Variants in ALPK3 observed in about 807,000 individuals in gnomAD.
ALPK3 encodes alpha-protein kinase 3.
In ALPK3, 102 loss-of-function variants were observed where a neutral mutation model predicts 140.0. The ratio of observed to expected loss-of-function variants is 0.73; its 90% confidence interval spans 0.62 to 0.86. The LOEUF (loss-of-function observed/expected upper bound fraction) is 0.86, where lower values mean the gene tolerates loss of function less well. ALPK3 is among the 40% of genes least tolerant of loss of function. The probability of loss-of-function intolerance (pLI) is 0.00; values close to 1 mark genes in which losing one functional copy is unlikely to be tolerated. For missense variants in ALPK3, 2,254 were observed against 2,208.2 expected, an observed-to-expected ratio of 1.02 and a Z score of -0.42; for synonymous variants, 938 against 898.5, an observed-to-expected ratio of 1.04 and a Z score of -0.79.
intron 1 of ALPK3, among the ~76,000 whole-genome samples, chr15:84,822,638 G>T (rs1391434923): frequency 6.6e-6 from 1 of 152,156 alleles, no homozygotes; most frequent in Non-Finnish European, 1.5e-5. Flanking sequence ...CTCCACTAAG[G>T]GGCGGTCCTG....
chr15:84,825,251 A>T (rs1963473291), intron 2 of ALPK3, among the ~76,000 whole-genome samples: 1 of 151,360 alleles, frequency 6.6e-6, no homozygotes, highest in African/African-American at 2.4e-5. Context: ...ATCTCGGCTC[A>T]CTGCAACCTC....
At chr15:84,831,646 C>T (rs2141551451) in intron 3 of ALPK3, among the ~76,000 whole-genome samples, 1 of 152,176 alleles carries the variant, frequency 6.6e-6, no homozygotes. Flanking sequence ...CTTGCTTTTT[C>T]TCTGTTTAAT....
intron 5 of ALPK3, among the ~76,000 whole-genome samples, chr15:84,845,189 C>T (rs1438908118): frequency 6.6e-6 from 1 of 151,804 alleles, no homozygotes; most frequent in Non-Finnish European, 1.5e-5. Flanking sequence ...GTTTGAAACC[C>T]AGATGTAAAC....
At chr15:84,867,473 T>A in intron 13 of ALPK3, 108 bp downstream of exon 13, 1 of 1,317,404 alleles carries the variant, frequency 7.6e-7, no homozygotes, top group Non-Finnish European at 1.1e-6. Context: ...TGGGGCCAAG[T>A]GGTCCCAGAC....
chr15:84,856,895 C>A lies in ALPK3; in HGVS notation c.2157C>A (p.Ala719=), dbSNP rs1165760143. The change falls in exon 6 of 14, where the codon GCC becomes GCA. Residue 719 remains alanine, a synonymous_variant. Coordinates refer to ENST00000258888, the MANE Select transcript of ALPK3 (RefSeq NM_020778.5). ...AGTCAGAGGGGAGCGCGCCCACAGC[C>A]ATGGAAGGTCAGTCTGAGCAAGAGG... ...GTQSEGSAPT[A]MEGQSEQEVA... is the part of the protein sequence containing the mutation. The A allele has an allele frequency of 1.9e-6, 3 of 1,613,998 alleles. No homozygotes were observed. The highest frequency in any genetic ancestry group is 2.5e-6 in the Non-Finnish European group (3 of 1,179,980).
Position 84,817,458 on chromosome 15 carries a change from G to A in ALPK3, c.6G>A (p.Gly2=), listed in dbSNP as rs1963372727. The part of the protein sequence containing the change: M[G]SRRAPSRGWG... ...CGGTCGGGGAGGGCGGTGCCATGGG[G>A]TCGCGGAGGGCCCCCAGCCGGGGCT... The change falls in exon 1 of 14, where the codon GGG becomes GGA. Residue 2 remains glycine (G), a synonymous_variant. Transcript: ENST00000258888. 2 of 1,350,242 alleles carry A rather than the reference G, an allele frequency of 1.5e-6. No individual in the cohort carries two copies. Among genetic ancestry groups the A allele is most frequent in the South Asian group, 1.8e-5 (1 of 56,298 alleles). 83.6% of individuals were successfully genotyped at this position (1,350,242 alleles called of 1,614,324 possible). A position where few individuals can be genotyped will look rare whatever the true frequency, so the allele number is the denominator to read the frequency against.
At chr15:84,822,601 C>G (rs761021477) in intron 1 of ALPK3, among the ~76,000 whole-genome samples, 9 of 152,076 alleles carry the variant, frequency 5.9e-5, no homozygotes, top group Non-Finnish European at 1.0e-4. Context: ...GGAGAGGGAA[C>G]AGTTGGCTCA....
At chr15:84,845,145 C>T (rs306204) in intron 5 of ALPK3, among the ~76,000 whole-genome samples, 128,698 of 150,328 alleles carry the variant, frequency 0.86, 55,358 homozygotes, top group African/African-American at 0.96. Context: ...TTTTTTTTTT[C>T]CCTTCTGGCA....
rs750231929 is a variant in ALPK3 at position 84,840,524 on chromosome 15, G to C, written c.1245G>C (p.Leu415Phe). 6.2e-7 allele frequency: 1 copy of C among 1,609,780 alleles called. No homozygotes were observed. The highest frequency in any genetic ancestry group is 8.5e-7 in the Non-Finnish European group (1 of 1,178,522). Reference protein sequence around the residue: ...PGPGQEVYFSLKDMYLENTQA... With the variant: ...PGPGQEVYFSFKDMYLENTQA... ...CAGGCCAGGAAGTGTATTTCTCCTT[G>C]AAGGACATGTACCTGGAGAACACCC... Residue 415 changes from leucine (L) to phenylalanine (F), a missense_variant, in exon 5 of 14, where the codon TTG (leucine) becomes TTC (phenylalanine). Around this residue, in one of 3 missense-constraint regions of ALPK3, gnomAD observed 2,088 missense variants for 2,022.9 expected, o/e 1.03. Transcript: ENST00000258888.
At chr15:84,828,117 C>T (rs1358726808) in intron 3 of ALPK3, among the ~76,000 whole-genome samples, 1 of 152,126 alleles carries the variant, frequency 6.6e-6, no homozygotes, top group Non-Finnish European at 1.5e-5. Flanking sequence ...TCTCAGCTGC[C>T]TCATCTGTAA....
chr15:84,856,573 C>T lies in ALPK3; in HGVS notation c.1835C>T (p.Ala612Val), dbSNP rs767651692. 6.8e-6 allele frequency: 11 copies of T among 1,613,910 alleles called. No individual in the cohort carries two copies. The highest frequency in any genetic ancestry group is 9.3e-6 in the Non-Finnish European group (11 of 1,180,008). Reference sequence around the variant, plus strand: ...ACTGGAAGCAAGAAGAATGTGCAGGCAGATGGGAAGATACAAGTGGATGGA... The same window carrying T: ...ACTGGAAGCAAGAAGAATGTGCAGGTAGATGGGAAGATACAAGTGGATGGA... The part of the protein sequence containing the change: ...QRTGSKKNVQ[A>V]DGKIQVDGRT... The change falls in exon 6 of 14, where the codon GCA (alanine) becomes GTA (valine). Residue 612 changes from alanine to valine, a missense_variant. Physicochemically the swap from Ala to Val is moderately conservative, Grantham distance 64. Transcript: ENST00000258888.
rs142677464 is a variant in ALPK3 at position 84,856,972 on chromosome 15, C to T, written c.2234C>T (p.Ala745Val). The T allele has an allele frequency of 1.9e-5, 31 of 1,614,000 alleles. No individual in the cohort carries two copies. The highest frequency in any genetic ancestry group is 1.1e-4 in the East Asian group (5 of 44,890). ...AGAACCCCCAAACTCCCACCTACAG[C>T]GGGTCCTAGAGCTCCTCTGAATATT... Reference protein sequence around the residue: ...PSRTPKLPPTAGPRAPLNIEC... With the variant: ...PSRTPKLPPTVGPRAPLNIEC... The change falls in exon 6 of 14, where the codon GCG (alanine) becomes GTG (valine). Residue 745 changes from alanine to valine, a missense_variant. Around this residue, in one of 3 missense-constraint regions of ALPK3, gnomAD observed 2,088 missense variants for 2,022.9 expected, o/e 1.03. Coordinates refer to ENST00000258888, the MANE Select transcript of ALPK3 (RefSeq NM_020778.5).
At chr15:84,866,942 C>G (rs530972957) in intron 12 of ALPK3, among the ~76,000 whole-genome samples, 1 of 152,084 alleles carries the variant, frequency 6.6e-6, no homozygotes, top group African/African-American at 2.4e-5. Context: ...AAAACGGAAC[C>G]CTTATTTTAA....
chr15:84,839,470 C>A (rs561920874), intron 4 of ALPK3, among the ~76,000 whole-genome samples: 1 of 152,216 alleles, frequency 6.6e-6, no homozygotes, highest in African/African-American at 2.4e-5. Context: ...AAGTCTAATC[C>A]CTCCTGGGAC....
In ALPK3 at chr15:84,859,927, G is replaced by A. The variant is rs752983025; in HGVS notation, c.4093+24G>A. 4.3e-6 allele frequency: 7 copies of A among 1,613,892 alleles called. 1 individual carries two copies. In the Middle Eastern group the frequency reaches 6.6e-4, roughly 152 times the overall value. Reference sequence around the variant, plus strand: ...GGGTGAGTGTGCCCCGCGGCCCGGGGTCTCAGCCTGGCCTGGCTCCTGGTG... The same window carrying A: ...GGGTGAGTGTGCCCCGCGGCCCGGGATCTCAGCCTGGCCTGGCTCCTGGTG... On this transcript the variant is annotated intron_variant, in intron 8 of 13. Transcript: ENST00000258888.
chr15:84,832,111 G>A (rs559338107), intron 3 of ALPK3, among the ~76,000 whole-genome samples: 3 of 152,254 alleles, frequency 2.0e-5, no homozygotes, highest in Non-Finnish European at 4.4e-5. Context: ...AGATAGAATG[G>A]TTGAAGGGTT....
rs1265546449 is a variant in ALPK3 at position 84,862,738 on chromosome 15, C to T, written c.4233C>T (p.Leu1411=). ...KLFGRLVSEE[L]RGGGYGCGLR... is the part of the protein sequence containing the mutation. ...TTGGGCGACTGGTAAGCGAGGAGCT[C>T]CGAGGGGGTGGATATGGGTGTGGCC... Residue 1411 remains leucine (L), a synonymous_variant, in exon 10 of 14, where the codon CTC becomes CTT. Transcript: ENST00000258888. 1.2e-6 allele frequency: 2 copies of T among 1,614,120 alleles called. No homozygotes were observed. The highest frequency in any genetic ancestry group is 1.7e-6 in the Non-Finnish European group (2 of 1,180,016).
intron 12 of ALPK3, among the ~76,000 whole-genome samples, chr15:84,865,550 A>G (rs998866919): frequency 3.3e-5 from 5 of 152,158 alleles, no homozygotes; most frequent in Non-Finnish European, 5.9e-5. Flanking sequence ...TTTCCATCCA[A>G]CCATTACTAA....
Position 84,839,062 on chromosome 15 carries a change from T to C in ALPK3, c.387T>C (p.Thr129=), listed in dbSNP as rs570471146. The change falls in exon 4 of 14, where the codon ACT becomes ACC. Residue 129 remains threonine (T), a synonymous_variant. Transcript: ENST00000258888. ...GTGGCTTGCCAAAATATGAGATCAC[T>C]CATCAGGGCAACCGCCACACACTGC... The part of the protein sequence containing the change: ...RYCGLPKYEI[T]HQGNRHTLQL... 6.2e-6 allele frequency: 10 copies of C among 1,609,802 alleles called. No individual in the cohort carries two copies. The Admixed American group carries it at 1.7e-4, about 27-fold the overall frequency.
Sources: gnomAD v4.1 joint callset for allele counts (sites outside exome capture counted in the v4.1 genomes callset) on GRCh38, gnomAD v4.1.1 for gene constraint, gnomAD v4.1.1 regional missense constraint, MANE v1.5 for transcripts, NCBI Gene and HGNC (gene_info 2026-07-23, HGNC 2026-07-21) for gene names.